Variants in UBE2R2 observed in about 807,000 individuals in gnomAD.
The protein encoded by UBE2R2 is ubiquitin-conjugating enzyme E2 R2.
UBE2R2 carries 1 observed loss-of-function variant against 27.8 expected under a neutral mutation model. The ratio of observed to expected loss-of-function variants is 0.04; its 90% confidence interval spans 0.01 to 0.17. The LOEUF is 0.17. Ranked by LOEUF, UBE2R2 falls within the 10% of genes least tolerant of loss-of-function variation. The pLI is 1.00. For synonymous variants in UBE2R2, 106 were observed against 113.3 expected (o/e 0.94, Z 0.41); for missense variants, 100 against 291.0 (o/e 0.34, Z 4.78).
chr9:33,850,421 C>T (rs1461291655), intron 1 of UBE2R2, among the ~76,000 whole-genome samples: 1 of 152,106 alleles, frequency 6.6e-6, no homozygotes, highest in East Asian at 1.9e-4. Flanking sequence ...TTCTCAGTCA[C>T]CTGTAACCAT....
chr9:33,853,504 C>T (rs920965225), intron 1 of UBE2R2, among the ~76,000 whole-genome samples: 15 of 151,924 alleles, frequency 9.9e-5, no homozygotes, highest in African/African-American at 2.4e-5. Context: ...AGGCTGGTCT[C>T]GAACTCCCAG....
rs376568181 is a variant in UBE2R2 at position 33,824,593 on chromosome 9, C to G, written c.177+6659C>G. On this transcript the variant is annotated intron_variant, in intron 1 of 4. Coordinates refer to ENST00000263228, the MANE Select transcript of UBE2R2 (RefSeq NM_017811.4). Reference sequence around the variant, plus strand: ...GGCGGAGCTTGCAGTGAACTGATATCGAGGCACTGCTCTCTAGCCTGGGCG... The same window carrying G: ...GGCGGAGCTTGCAGTGAACTGATATGGAGGCACTGCTCTCTAGCCTGGGCG... Among the ~76,000 whole-genome samples, 106 of 149,580 alleles carry G rather than the reference C, an allele frequency of 7.1e-4. 4 individuals carry two copies. In the South Asian group the frequency reaches 0.022, roughly 32 times the overall value.
At chr9:33,871,356 A>G (rs1304609505) in intron 1 of UBE2R2, among the ~76,000 whole-genome samples, 3 of 152,216 alleles carry the variant, frequency 2.0e-5, no homozygotes, top group Non-Finnish European at 4.4e-5. Context: ...TAGTGTTTGT[A>G]TAACTAAAAA....
rs181102407 is a variant in UBE2R2 at position 33,872,465 on chromosome 9, A to G, written c.178-14416A>G. ...AATTGAGAGGAAGTTACAGATGATA[A>G]TTTTTTTAAATGGTAAACTTCAATA... On this transcript the variant is annotated intron_variant, in intron 1 of 4. Coordinates refer to ENST00000263228, the MANE Select transcript of UBE2R2 (RefSeq NM_017811.4). Among the ~76,000 whole-genome samples the G allele has an allele frequency of 1.6e-4, 24 of 152,098 alleles. No individual in the cohort carries two copies. The East Asian group carries it at 4.4e-3, about 28-fold the overall frequency.
chr9:33,835,865 G>A lies in UBE2R2; in HGVS notation c.177+17931G>A, dbSNP rs200810563. 1.1e-4 allele frequency among the ~76,000 whole-genome samples: 16 copies of A among 152,232 alleles called. No homozygotes were observed. In the East Asian group the frequency reaches 3.1e-3, roughly 29 times the overall value. Reference sequence around the variant, plus strand: ...ACTACTGCACTCCAGCCTGGGCAACGGAGTGAGACCCTTTCTCTAAAAAAG... The same window carrying A: ...ACTACTGCACTCCAGCCTGGGCAACAGAGTGAGACCCTTTCTCTAAAAAAG... On this transcript the variant is annotated intron_variant, in intron 1 of 4. Transcript: ENST00000263228.
intron 2 of UBE2R2, among the ~76,000 whole-genome samples, chr9:33,894,661 G>T (rs369899372): frequency 1.3e-4 from 20 of 152,182 alleles, no homozygotes; most frequent in African/African-American, 4.8e-4. Context: ...AGTTTGTGTG[G>T]CCAAGGTAGA....
At chr9:33,837,693 A>G (rs1482463549) in intron 1 of UBE2R2, among the ~76,000 whole-genome samples, 1 of 151,842 alleles carries the variant, frequency 6.6e-6, no homozygotes, top group Non-Finnish European at 1.5e-5. Context: ...TCATTGTGCT[A>G]GGATTACAGA....
intron 1 of UBE2R2, among the ~76,000 whole-genome samples, chr9:33,823,090 G>A (rs1216016040): frequency 2.0e-5 from 3 of 150,658 alleles, no homozygotes; most frequent in African/African-American, 4.9e-5. Flanking sequence ...ATTTTTAGTA[G>A]AGATGGGGTT....
At chr9:33,897,548 C>T (rs1013510019) in intron 2 of UBE2R2, among the ~76,000 whole-genome samples, 7 of 150,942 alleles carry the variant, frequency 4.6e-5, no homozygotes, top group African/African-American at 1.7e-4. Context: ...GAACTCCTGA[C>T]CTCAAGTGAT....
intron 1 of UBE2R2, among the ~76,000 whole-genome samples, chr9:33,855,064 T>G (rs1821071713): frequency 6.6e-6 from 1 of 152,230 alleles, no homozygotes; most frequent in Admixed American, 6.5e-5. Flanking sequence ...TATTTTTCTC[T>G]GCATTCTCTC....
chr9:33,816,662 C>T (rs774868678), upstream of UBE2R2, among the ~76,000 whole-genome samples: 2 of 152,232 alleles, frequency 1.3e-5, no homozygotes, highest in Non-Finnish European at 2.9e-5. Flanking sequence ...CCGAAAAGAC[C>T]CACATTGTCA....
At chr9:33,887,929 C>T (rs1341729020) in intron 2 of UBE2R2, among the ~76,000 whole-genome samples, 1 of 152,250 alleles carries the variant, frequency 6.6e-6, no homozygotes, top group Admixed American at 6.5e-5. Context: ...CCCACCTCGG[C>T]CTCCCAAAGT....
At chr9:33,864,244 T>C (rs1821310792) in intron 1 of UBE2R2, among the ~76,000 whole-genome samples, 1 of 152,200 alleles carries the variant, frequency 6.6e-6, no homozygotes, top group South Asian at 2.1e-4. Flanking sequence ...CTAGAATGTC[T>C]TTCCTTGTGG....
At chr9:33,916,226 A>T (rs535842884) in intron 4 of UBE2R2, among the ~76,000 whole-genome samples, 125 of 152,218 alleles carry the variant, frequency 8.2e-4, no homozygotes, top group Admixed American at 3.0e-3. Context: ...CTGTAATCTC[A>T]GCTACTTGGG....
In UBE2R2 at chr9:33,817,248, G is replaced by A. The variant is rs1219924313; in HGVS notation, c.-510G>A. On this transcript the variant is annotated 5_prime_UTR_variant, in exon 1 of 5. Coordinates refer to ENST00000263228, the MANE Select transcript of UBE2R2 (RefSeq NM_017811.4). ...CCCCTCCCCCCGCGCAGCCCCCGCC[G>A]CCACCGCCGCGAGACCCCCGCACGC... Among the ~76,000 whole-genome samples, 3 of 97,850 alleles carry A rather than the reference G, an allele frequency of 3.1e-5. No homozygotes were observed. Among genetic ancestry groups the A allele is most frequent in the Admixed American group, 1.1e-4 (1 of 8,788 alleles). 64.2% of individuals were successfully genotyped at this position (97,850 alleles called of 152,430 possible). A position where few individuals can be genotyped will look rare whatever the true frequency, so the allele number is the denominator to read the frequency against.
chr9:33,854,491 TG>T (rs546896211), intron 1 of UBE2R2, among the ~76,000 whole-genome samples: 210 of 152,126 alleles, frequency 1.4e-3, no homozygotes, highest in African/African-American at 4.7e-3. Context: ...GGCTAGTTTT[TG>T]TATTTTTTTT....
At chr9:33,858,720 T>C (rs1156934421) in intron 1 of UBE2R2, among the ~76,000 whole-genome samples, 1 of 152,100 alleles carries the variant, frequency 6.6e-6, no homozygotes, top group African/African-American at 2.4e-5. Flanking sequence ...ATTAAATATT[T>C]TAATTAGAGT....
intron 1 of UBE2R2, among the ~76,000 whole-genome samples, chr9:33,837,850 T>G (rs963345257): frequency 6.6e-5 from 10 of 152,118 alleles, no homozygotes; most frequent in African/African-American, 1.9e-4. Flanking sequence ...AACATTCTGT[T>G]TTTGATGTCT....
intron 1 of UBE2R2, among the ~76,000 whole-genome samples, chr9:33,865,100 A>G (rs1201955682): frequency 6.6e-6 from 1 of 151,946 alleles, no homozygotes; most frequent in Non-Finnish European, 1.5e-5. Flanking sequence ...GGTTCAAGTG[A>G]TCCTCCCACC....
Sources: allele counts gnomAD v4.1 joint callset (sites outside exome capture counted in the v4.1 genomes callset), GRCh38; gene constraint gnomAD v4.1.1; transcripts MANE v1.5; gene names NCBI Gene and HGNC (gene_info 2026-07-23, HGNC 2026-07-21).